The following SLIT3 variants were observed in gnomAD, a reference collection of about 807,000 sequenced individuals.
SLIT3 encodes the protein slit guidance ligand 3, also known as slit homolog 3 protein.
A neutral mutation model predicts 184.0 loss-of-function variants in SLIT3; 68 were observed. The observed-to-expected ratio is 0.37, with a 90% CI of 0.30 to 0.45. The LOEUF is 0.45. SLIT3 is among the 20% of genes least tolerant of loss of function. The pLI, the probability that SLIT3 is intolerant of heterozygous loss-of-function variation, is 1.00. For missense variants in SLIT3, 1,707 were observed against 2,026.0 expected (o/e 0.84, Z 3.02); for synonymous variants, 831 against 828.6 (o/e 1.00, Z -0.05).
At chr5:169,285,677 T>G (rs140291595) in intron 1 of SLIT3, among the ~76,000 whole-genome samples, 35 of 152,294 alleles carry the variant, frequency 2.3e-4, no homozygotes, top group African/African-American at 7.9e-4. Flanking sequence ...ATGTGAGAAG[T>G]TAGACTACTC....
intron 4 of SLIT3, among the ~76,000 whole-genome samples, chr5:168,971,793 T>C: frequency 6.6e-6 from 1 of 152,194 alleles, no homozygotes; most frequent in East Asian, 1.9e-4. Flanking sequence ...GGGAAAACCT[T>C]TCCACCTTCT....
chr5:168,750,328 C>T (rs147298108), intron 18 of SLIT3, among the ~76,000 whole-genome samples: 7 of 152,324 alleles, frequency 4.6e-5, no homozygotes, highest in African/African-American at 2.4e-5. Context: ...GACCATGCCA[C>T]GCACTTTATA....
chr5:168,952,079 G>A (rs1762666313), intron 4 of SLIT3, among the ~76,000 whole-genome samples: 2 of 152,152 alleles, frequency 1.3e-5, no homozygotes, highest in Non-Finnish European at 2.9e-5. Flanking sequence ...AAAGAGTTAG[G>A]AAATAGATTT....
At position 168,685,909 on chromosome 5, in the gene SLIT3, G is replaced by A; in HGVS notation, c.3333C>T (p.His1111=). 5.6e-6 allele frequency: 9 copies of A among 1,612,412 alleles called. No homozygotes were observed. Among genetic ancestry groups the A allele is most frequent in the Non-Finnish European group, 7.6e-6 (9 of 1,179,412 alleles). ...TCTGCAGTAGGACCATGGGTGGGGGGTGTTCACAGAAGGGTCCACTGGAAG... is the reference window on the plus strand; with the variant it reads ...TCTGCAGTAGGACCATGGGTGGGGGATGTTCACAGAAGGGTCCACTGGAAG... The part of the protein sequence containing the change: ...PQGFSGPFCE[H]PPPMVLLQTS... Residue 1111 remains histidine, a synonymous_variant, in exon 31 of 36, where the codon CAC becomes CAT. Transcript: ENST00000519560.
At chr5:168,740,622 C>T (rs1198634069) in intron 20 of SLIT3, among the ~76,000 whole-genome samples, 1 of 152,160 alleles carries the variant, frequency 6.6e-6, no homozygotes, top group Non-Finnish European at 1.5e-5. Flanking sequence ...CTTTCTTTGA[C>T]ACTCATTCTC....
At chr5:168,777,061 T>C (rs994466633) in intron 12 of SLIT3, among the ~76,000 whole-genome samples, 10 of 120,396 alleles carry the variant, frequency 8.3e-5, no homozygotes, top group African/African-American at 3.5e-4. Context: ...GAAAATTTCA[T>C]ACAACACACA....
At chr5:168,895,361 G>A (rs148861691) in intron 4 of SLIT3, among the ~76,000 whole-genome samples, 56 of 152,292 alleles carry the variant, frequency 3.7e-4, no homozygotes, top group African/African-American at 1.3e-3. Flanking sequence ...AGTTTGGCAG[G>A]CAGCACTGCA....
intron 4 of SLIT3, among the ~76,000 whole-genome samples, chr5:169,105,038 G>A (rs946137729): frequency 6.6e-6 from 1 of 152,228 alleles, no homozygotes; most frequent in African/African-American, 2.4e-5. Flanking sequence ...CAGGTTCAGG[G>A]AAGAATGGGT....
In SLIT3 at chr5:168,872,690, G is replaced by A. The variant is rs1759576333; in HGVS notation, c.485+10575C>T. 2.9e-5 allele frequency among the ~76,000 whole-genome samples: 4 copies of A among 136,016 alleles called. No homozygotes were observed. The South Asian group carries it at 9.5e-4, about 32-fold the overall frequency. The allele number at this position is 136,016 out of a possible 152,430, so 89.2% of individuals were successfully genotyped here. ...GTCTCACTCTGTCGCTCAGGCTAGAGTGCAGTGGCACAATCTCAGCTCACT... is the reference window on the plus strand; with the variant it reads ...GTCTCACTCTGTCGCTCAGGCTAGAATGCAGTGGCACAATCTCAGCTCACT... On this transcript the variant is annotated intron_variant, in intron 5 of 35. Transcript: ENST00000519560.
intron 8 of SLIT3, 149 bp from the exon 9 acceptor site, chr5:168,806,736 A>G: frequency 1.2e-6 from 1 of 863,576 alleles, no homozygotes; most frequent in Non-Finnish European, 1.8e-6. Flanking sequence ...CACCTGGGAG[A>G]CACAGGTGCC....
At chr5:168,700,734 T>C (rs1281295729) in intron 26 of SLIT3, 55 bp from the exon 27 acceptor site, 2 of 1,334,406 alleles carry the variant, frequency 1.5e-6, no homozygotes, top group East Asian at 2.3e-5. Context: ...GGGGCTGCCA[T>C]GGCCCAGGGG....
chr5:169,057,188 G>A (rs535214669), intron 4 of SLIT3, among the ~76,000 whole-genome samples: 28 of 152,298 alleles, frequency 1.8e-4, no homozygotes, highest in African/African-American at 6.5e-4. Flanking sequence ...GAGAAGGAGG[G>A]TCTAACATAG....
At chr5:169,147,331 C>G (rs12108865) in intron 4 of SLIT3, among the ~76,000 whole-genome samples, 1 of 152,196 alleles carries the variant, frequency 6.6e-6, no homozygotes, top group Non-Finnish European at 1.5e-5. Context: ...TGCAATGGCA[C>G]GATATCAGCT....
chr5:168,775,804 T>TA (rs1178774635), intron 12 of SLIT3, among the ~76,000 whole-genome samples: 1 of 152,004 alleles, frequency 6.6e-6, no homozygotes, highest in Non-Finnish European at 1.5e-5. Context: ...TCAGACTCCC[T>TA]AAAAAATCAT....
intron 5 of SLIT3, among the ~76,000 whole-genome samples, chr5:168,863,386 A>G (rs535576810): frequency 5.3e-4 from 80 of 152,350 alleles, no homozygotes; most frequent in Non-Finnish European, 1.1e-3. Flanking sequence ...AATGGCAGGC[A>G]AATTCATTTT....
At chr5:169,150,657 G>T in intron 4 of SLIT3, among the ~76,000 whole-genome samples, 1 of 152,224 alleles carries the variant, frequency 6.6e-6, no homozygotes, top group East Asian at 1.9e-4. Context: ...TGAAGGAGGT[G>T]AAAGGCTGAC....
chr5:168,833,377 A>G (rs541774030), intron 6 of SLIT3, among the ~76,000 whole-genome samples: 1 of 152,316 alleles, frequency 6.6e-6, no homozygotes, highest in East Asian at 1.9e-4. Flanking sequence ...TGCAATTTAC[A>G]GCTTGGGCTA....
intron 4 of SLIT3, among the ~76,000 whole-genome samples, chr5:169,092,568 C>G (rs759630382): frequency 1.4e-4 from 22 of 152,324 alleles, no homozygotes; most frequent in Non-Finnish European, 2.9e-4. Flanking sequence ...GACCTAGGCT[C>G]AGCCAATGAG....
chr5:169,140,000 C>T (rs1429302764), intron 4 of SLIT3, among the ~76,000 whole-genome samples: 2 of 152,098 alleles, frequency 1.3e-5, no homozygotes, highest in East Asian at 3.9e-4. Flanking sequence ...TGCCACCTCT[C>T]CAAGGCCTTC....
Sources: allele counts gnomAD v4.1 joint callset (sites outside exome capture counted in the v4.1 genomes callset), GRCh38; gene constraint gnomAD v4.1.1; transcripts MANE v1.5; gene names NCBI Gene and HGNC (gene_info 2026-07-23, HGNC 2026-07-21).